DAB2IP: variants seen among roughly 807,000 people sequenced by gnomAD.
DAB2IP encodes disabled homolog 2-interacting protein.
A neutral mutation model predicts 107.2 loss-of-function variants in DAB2IP; 28 were observed. The ratio of observed to expected loss-of-function variants is 0.26; its 90% CI spans 0.19 to 0.36. The LOEUF (loss-of-function observed/expected upper bound fraction) is 0.36. DAB2IP is among the 10% of genes least tolerant of loss of function. The pLI is 1.00. For missense variants in DAB2IP, 1,400 were observed against 1,644.7 expected, an observed-to-expected ratio of 0.85 and a Z score of 2.57; for synonymous variants, 755 against 706.4, an observed-to-expected ratio of 1.07 and a Z score of -1.09.
At chr9:121,779,373 T>G (rs972999391) in intron 14 of DAB2IP, among the ~76,000 whole-genome samples, 4 of 152,250 alleles carry the variant, frequency 2.6e-5, no homozygotes, top group South Asian at 2.1e-4. Flanking sequence ...TTTTACTGAT[T>G]TATTTTCCGC....
At chr9:121,625,851 G>C (rs1831626263) in intron 1 of DAB2IP, among the ~76,000 whole-genome samples, 1 of 152,150 alleles carries the variant, frequency 6.6e-6, no homozygotes, top group Admixed American at 6.5e-5. Flanking sequence ...AAATCTGGTA[G>C]CTTCTTGTAA....
At chr9:121,715,306 A>G (rs1032732371) in intron 3 of DAB2IP, among the ~76,000 whole-genome samples, 5 of 149,876 alleles carry the variant, frequency 3.3e-5, no homozygotes, top group African/African-American at 1.2e-4. Context: ...CTTCCTTTTA[A>G]TGACAGCGTG....
In DAB2IP at chr9:121,702,965, T is replaced by G. The variant is rs1466451159; in HGVS notation, c.362+3507T>G. Among the ~76,000 whole-genome samples the G allele has an allele frequency of 6.6e-6, 1 of 152,192 alleles. No homozygotes were observed. Among genetic ancestry groups the G allele is most frequent in the Non-Finnish European group, 1.5e-5 (1 of 68,034 alleles). On this transcript the variant is annotated intron_variant, in intron 3 of 15. Transcript: ENST00000408936. This position sits in a 1 kb window ranked among gnomAD's most constrained non-coding sequence, Gnocchi z 4.5. ...CTTCCCAGTCATCCTGGTGCGGAGC[T>G]TAGCTCATAAATGCAGGCAGCTCTG...
intron 3 of DAB2IP, among the ~76,000 whole-genome samples, chr9:121,748,095 G>A (rs1450584346): frequency 6.6e-6 from 1 of 152,216 alleles, no homozygotes; most frequent in Admixed American, 6.5e-5. Flanking sequence ...GGTGATGGTA[G>A]TGGTGTTGGT....
intron 1 of DAB2IP, chr9:121,567,261 G>A (rs1319432542): frequency 1.2e-6 from 2 of 1,613,744 alleles, no homozygotes; most frequent in Admixed American, 3.3e-5. Flanking sequence ...CAGAGTTGGG[G>A]GTTTCAGCCT....
chr9:121,690,298 C>T (rs1010818498), intron 2 of DAB2IP, among the ~76,000 whole-genome samples: 9 of 148,932 alleles, frequency 6.0e-5, no homozygotes, highest in African/African-American at 1.8e-4. Context: ...CAGCAAGCCC[C>T]GGGAGGACTG....
At chr9:121,651,284 AC>A (rs527609974), upstream of DAB2IP, among the ~76,000 whole-genome samples, 28 of 152,264 alleles carry the variant, frequency 1.8e-4, no homozygotes, top group East Asian at 5.2e-3. The surrounding 1 kb of genome is among the most constrained non-coding windows in gnomAD (Gnocchi z 5.1). Context: ...GCAGGAACGG[AC>A]CCTAATTGAA....
chr9:121,775,357 C>A (rs997803806), intron 13 of DAB2IP, among the ~76,000 whole-genome samples: 1 of 152,230 alleles, frequency 6.6e-6, no homozygotes, highest in African/African-American at 2.4e-5. Flanking sequence ...ATCCCCGGTC[C>A]GCTACATCCA....
intron 1 of DAB2IP, among the ~76,000 whole-genome samples, chr9:121,582,119 C>T (rs568417078): frequency 2.0e-5 from 3 of 152,246 alleles, no homozygotes; most frequent in Admixed American, 6.5e-5. Context: ...TGTCAGAGCC[C>T]GGATTCAGAT....
At chr9:121,773,102 C>T in exon 12 of DAB2IP, 1 of 1,612,512 alleles carries the variant, frequency 6.2e-7, no homozygotes, top group South Asian at 1.1e-5. Flanking sequence ...GCTCCCTGAG[C>T]TCACACAGCA....
At chr9:121,761,796 T>A (rs1469509673) in intron 6 of DAB2IP, among the ~76,000 whole-genome samples, 1 of 152,150 alleles carries the variant, frequency 6.6e-6, no homozygotes, top group Non-Finnish European at 1.5e-5. Flanking sequence ...TGGGGACGTA[T>A]GCTGGGAAAC....
At position 121,782,562 on chromosome 9, in the gene DAB2IP, T is replaced by TC; in HGVS notation, c.*65dup. ...GACTATGGTGGCCAAGGGCAGGGTC[T>TC]CGGCCTGGGGAGGCACCCACGGTTG... On this transcript the variant is annotated 3_prime_UTR_variant, in exon 16 of 16. Coordinates refer to ENST00000408936, the Ensembl canonical transcript of DAB2IP. This position sits in a 1 kb window ranked among gnomAD's most constrained non-coding sequence, Gnocchi z 6.1. The TC allele has an allele frequency of 6.3e-7, 1 of 1,580,728 alleles. No homozygotes were observed. Among genetic ancestry groups the TC allele is most frequent in the African/African-American group, 1.3e-5 (1 of 74,574 alleles).
At chr9:121,585,590 C>T (rs1024027410) in intron 1 of DAB2IP, among the ~76,000 whole-genome samples, 4 of 152,164 alleles carry the variant, frequency 2.6e-5, no homozygotes, top group Non-Finnish European at 5.9e-5. Flanking sequence ...GGCGCGGTGG[C>T]TCACGCCTAT....
At chr9:121,673,880 C>A (rs1420885574) in intron 1 of DAB2IP, among the ~76,000 whole-genome samples, 1 of 152,172 alleles carries the variant, frequency 6.6e-6, no homozygotes, top group Non-Finnish European at 1.5e-5. Context: ...TAAAGGAGGT[C>A]CCATCAGCTC....
chr9:121,690,459 T>C (rs1372677850), intron 2 of DAB2IP, among the ~76,000 whole-genome samples: 2 of 152,112 alleles, frequency 1.3e-5, no homozygotes, highest in African/African-American at 2.4e-5. Flanking sequence ...GGCTGAGAGC[T>C]TAAAGAGCTG....
intron 1 of DAB2IP, among the ~76,000 whole-genome samples, chr9:121,585,601 A>G (rs903205685): frequency 1.3e-5 from 2 of 152,228 alleles, no homozygotes; most frequent in African/African-American, 4.8e-5. Flanking sequence ...TCACGCCTAT[A>G]ATCCCAGCAC....
chr9:121,763,389 G>T, intron 6 of DAB2IP, 116 bp from the exon 7 acceptor site: 1 of 1,417,270 alleles, frequency 7.1e-7, no homozygotes. Context: ...GACCCCCGCA[G>T]CTTGGTGATG....
At chr9:121,607,934 A>T (rs1433667378) in intron 1 of DAB2IP, among the ~76,000 whole-genome samples, 1 of 152,246 alleles carries the variant, frequency 6.6e-6, no homozygotes, top group Non-Finnish European at 1.5e-5. Context: ...GCCAGAAGAC[A>T]TAATGGAAGC....
chr9:121,614,181 T>G (rs1831185962), intron 1 of DAB2IP, among the ~76,000 whole-genome samples: 2 of 152,144 alleles, frequency 1.3e-5, no homozygotes, highest in African/African-American at 4.8e-5. Context: ...TAAGCACTGG[T>G]AAGTAAGCCA....
Sources: allele counts gnomAD v4.1 joint callset (sites outside exome capture counted in the v4.1 genomes callset), GRCh38; gene constraint gnomAD v4.1.1; non-coding constraint Gnocchi (gnomAD v3.1); transcripts MANE v1.5; gene names NCBI Gene and HGNC (gene_info 2026-07-23, HGNC 2026-07-21).